The following KCNQ1OT1 variants were observed in gnomAD, a reference collection of about 807,000 sequenced individuals.
KCNQ1OT1 encodes the protein KCNQ1 antisense RNA 2 (non-protein coding).
rs1850333913 is a variant in KCNQ1OT1 at position 2,678,579 on chromosome 11, G to A, written n.21416C>T. On this transcript the variant is annotated non_coding_transcript_exon_variant, in exon 1 of 1. Transcript: ENST00000597346. This position sits in a 1 kb window ranked among gnomAD's most constrained non-coding sequence, Gnocchi z 4.9. ...TATTTTAATTATGTAACTTTATGATGCACTTATCTGTGTAGCAGGACTCCC... is the reference window on the plus strand; with the variant it reads ...TATTTTAATTATGTAACTTTATGATACACTTATCTGTGTAGCAGGACTCCC... 2 of 398,460 alleles carry A rather than the reference G, an allele frequency of 5.0e-6. No individual in the cohort carries two copies. The highest frequency in any genetic ancestry group is 4.4e-5 in the Admixed American group (1 of 22,712). 24.7% of individuals were successfully genotyped at this position (398,460 alleles called of 1,614,324 possible).
Position 2,698,217 on chromosome 11 carries a change from A to G in KCNQ1OT1, n.1778T>C, listed in dbSNP as rs1324368813. On this transcript the variant is annotated non_coding_transcript_exon_variant, in exon 1 of 1. Transcript: ENST00000597346. This position sits in a 1 kb window ranked among gnomAD's most constrained non-coding sequence, Gnocchi z 5.1. The stretch of plus-strand genomic sequence containing the variant: ...CAGTAAAGAAAGAACTGGTAAATGC[A>G]CATCAAATGTGGATATTATCAGGAA... The G allele has an allele frequency of 5.0e-6, 2 of 398,538 alleles. No individual in the cohort carries two copies. The highest frequency in any genetic ancestry group is 4.1e-5 in the African/African-American group (2 of 48,622). 24.7% of individuals were successfully genotyped at this position (398,538 alleles called of 1,614,324 possible).
exon 1 of KCNQ1OT1, chr11:2,646,193 A>G: frequency 2.5e-6 from 1 of 398,556 alleles, no homozygotes; most frequent in Non-Finnish European, 4.4e-6. Flanking sequence ...CCTACTTGCT[A>G]TATTTTGTGG....
At chr11:2,681,742 C>CA in exon 1 of KCNQ1OT1, 1 of 398,248 alleles carries the variant, frequency 2.5e-6, no homozygotes. Context: ...GCACTGATCA[C>CA]ACACCAGGGC....
chr11:2,698,819 T>C lies in KCNQ1OT1; in HGVS notation n.1176A>G. 2.5e-6 allele frequency: 1 copy of C among 398,774 alleles called. No homozygotes were observed. The highest frequency in any genetic ancestry group is 3.6e-5 in the East Asian group (1 of 28,060). 24.7% of individuals were successfully genotyped at this position (398,774 alleles called of 1,614,324 possible). On this transcript the variant is annotated non_coding_transcript_exon_variant, in exon 1 of 1. Transcript: ENST00000597346. The surrounding 1 kb of genome is among the most constrained non-coding windows in gnomAD (Gnocchi z 5.1). ...CAGACTCCCGATCCTCTGTCCCTAA[T>C]GAGGCCCTACCTAAAACCACCATGC...
exon 1 of KCNQ1OT1, chr11:2,667,489 C>T: frequency 2.6e-6 from 1 of 392,092 alleles, no homozygotes; most frequent in Non-Finnish European, 4.5e-6. Flanking sequence ...ACAGAGAGAA[C>T]ATTCACGCCA....
rs150388450 is a variant in KCNQ1OT1, at chr11:2,687,264, C to T, written n.12731G>A. The T allele has an allele frequency of 5.0e-6, 2 of 398,654 alleles. No homozygotes were observed. The highest frequency in any genetic ancestry group is 7.1e-5 in the East Asian group (2 of 28,068). The allele number at this position is 398,654 out of a possible 1,614,324, so 24.7% of individuals were successfully genotyped here. Reference sequence around the variant, plus strand: ...GCATCACTACCAGCTCCGGGCTTCTCTCCTCTGGCCTCCCACCTTGCAGCT... The same window carrying T: ...GCATCACTACCAGCTCCGGGCTTCTTTCCTCTGGCCTCCCACCTTGCAGCT... On this transcript the variant is annotated non_coding_transcript_exon_variant, in exon 1 of 1. Transcript: ENST00000597346. The surrounding 1 kb of genome is among the most constrained non-coding windows in gnomAD (Gnocchi z 5.0).
At position 2,661,383 on chromosome 11, in the gene KCNQ1OT1, A is replaced by G. The variant is rs970958199; in HGVS notation, n.38612T>C. On this transcript the variant is annotated non_coding_transcript_exon_variant, in exon 1 of 1. Coordinates refer to ENST00000597346, the Ensembl canonical transcript of KCNQ1OT1. The surrounding 1 kb of genome is among the most constrained non-coding windows in gnomAD (Gnocchi z 5.9). ...AGGTGGGCCCAGGAATCATAATGTG[A>G]AGCCAGCTGTTGGAGGGACTCCTGT... The G allele has an allele frequency of 2.5e-6, 1 of 407,684 alleles. No individual in the cohort carries two copies. The highest frequency in any genetic ancestry group is 2.1e-5 in the African/African-American group (1 of 48,750). 25.3% of individuals were successfully genotyped at this position (407,684 alleles called of 1,614,324 possible).
chr11:2,609,283 ATTAT>A (rs1487188183), exon 1 of KCNQ1OT1: 7 of 398,134 alleles, frequency 1.8e-5, no homozygotes, highest in Non-Finnish European at 2.2e-5. Flanking sequence ...TCACCCATTG[ATTAT>A]TTAAGAATGT....
rs1046450005 is a variant in KCNQ1OT1 at position 2,657,247 on chromosome 11, C to T, written n.42748G>A. 2.5e-5 allele frequency: 10 copies of T among 398,478 alleles called. No homozygotes were observed. The highest frequency in any genetic ancestry group is 2.2e-5 in the Non-Finnish European group (5 of 226,070). 24.7% of individuals were successfully genotyped at this position (398,478 alleles called of 1,614,324 possible). On this transcript the variant is annotated non_coding_transcript_exon_variant, in exon 1 of 1. Transcript: ENST00000597346. This position sits in a 1 kb window ranked among gnomAD's most constrained non-coding sequence, Gnocchi z 4.8. ...CAGTTAGAATCAGCTTGCCAAAGTTCTCACACAGAAGCCTTGAGATTTTTA... is the reference window on the plus strand; with the variant it reads ...CAGTTAGAATCAGCTTGCCAAAGTTTTCACACAGAAGCCTTGAGATTTTTA...
Position 2,682,708 on chromosome 11 carries a change from T to C in KCNQ1OT1, n.17287A>G, listed in dbSNP as rs913695470. 5.0e-6 allele frequency: 2 copies of C among 398,428 alleles called. No individual in the cohort carries two copies. The highest frequency in any genetic ancestry group is 4.1e-5 in the African/African-American group (2 of 48,604). 24.7% of individuals were successfully genotyped at this position (398,428 alleles called of 1,614,324 possible). A position where few individuals can be genotyped will look rare whatever the true frequency, so the allele number is the denominator to read the frequency against. ...CTGGGGTCCAAAGTTGACCAGAATA[T>C]CTCTAGTCATAAAGAATCTCTTCCC... On this transcript the variant is annotated non_coding_transcript_exon_variant, in exon 1 of 1. Transcript: ENST00000597346. This position sits in a 1 kb window ranked among gnomAD's most constrained non-coding sequence, Gnocchi z 5.8.
chr11:2,673,529 G>C lies in KCNQ1OT1; in HGVS notation n.26466C>G. 5.0e-6 allele frequency: 2 copies of C among 398,658 alleles called. No individual in the cohort carries two copies. The highest frequency in any genetic ancestry group is 8.8e-6 in the Non-Finnish European group (2 of 226,092). The allele number at this position is 398,658 out of a possible 1,614,324, so 24.7% of individuals were successfully genotyped here. A position where few individuals can be genotyped will look rare whatever the true frequency, so the allele number is the denominator to read the frequency against. ...TGTTGATGCTGACAGCCTGTAGAAAGATTGCTCTCAGCCTATCCCCTCCCT... is the reference window on the plus strand; with the variant it reads ...TGTTGATGCTGACAGCCTGTAGAAACATTGCTCTCAGCCTATCCCCTCCCT... On this transcript the variant is annotated non_coding_transcript_exon_variant, in exon 1 of 1. Coordinates refer to ENST00000597346, the Ensembl canonical transcript of KCNQ1OT1. The surrounding 1 kb of genome is among the most constrained non-coding windows in gnomAD (Gnocchi z 4.5).
At chr11:2,614,947 T>G (rs1849037298) in exon 1 of KCNQ1OT1, 1 of 398,364 alleles carries the variant, frequency 2.5e-6, no homozygotes, top group South Asian at 1.3e-4. Flanking sequence ...CTTGGGATTT[T>G]GATAAGGGTT....
chr11:2,654,154 G>A lies in KCNQ1OT1; in HGVS notation n.45841C>T, dbSNP rs946276934. 4.0e-5 allele frequency: 16 copies of A among 398,474 alleles called. No homozygotes were observed. Among genetic ancestry groups the A allele is most frequent in the South Asian group, 1.3e-4 (1 of 7,856 alleles). The allele number at this position is 398,474 out of a possible 1,614,324, so 24.7% of individuals were successfully genotyped here. A position where few individuals can be genotyped will look rare whatever the true frequency, so the allele number is the denominator to read the frequency against. ...CACTCTGGCTCAGGGTCTATGAGCC[G>A]GGCATGGGCAGCTGGCACAGGCTGT... On this transcript the variant is annotated non_coding_transcript_exon_variant, in exon 1 of 1. Coordinates refer to ENST00000597346, the Ensembl canonical transcript of KCNQ1OT1. The surrounding 1 kb of genome is among the most constrained non-coding windows in gnomAD (Gnocchi z 6.4).
chr11:2,661,952 T>C lies in KCNQ1OT1; in HGVS notation n.38043A>G. 6.2e-7 allele frequency: 1 copy of C among 1,614,134 alleles called. No homozygotes were observed. Among genetic ancestry groups the C allele is most frequent in the South Asian group, 1.1e-5 (1 of 91,080 alleles). ...GGCCTAACGTGCTGTCCCCACACTT[T>C]CTCCTCAGTAAGGAAGAGCCCAACA... is the stretch of plus-strand genomic sequence containing the variant. On this transcript the variant is annotated non_coding_transcript_exon_variant, in exon 1 of 1. Coordinates refer to ENST00000597346, the Ensembl canonical transcript of KCNQ1OT1. This position sits in a 1 kb window ranked among gnomAD's most constrained non-coding sequence, Gnocchi z 5.9.
exon 1 of KCNQ1OT1, chr11:2,696,181 C>G (rs900238421): frequency 2.5e-6 from 1 of 398,588 alleles, no homozygotes; most frequent in Non-Finnish European, 4.4e-6. Flanking sequence ...TTTAAGAACC[C>G]CACGGCCACC....
At chr11:2,628,957 C>T (rs944383508) in exon 1 of KCNQ1OT1, 7 of 398,180 alleles carry the variant, frequency 1.8e-5, no homozygotes, top group African/African-American at 1.4e-4. Flanking sequence ...GCTTTCTATT[C>T]TGTTCCATTG....
In KCNQ1OT1 at chr11:2,674,380, G is replaced by C. The variant is rs541782724; in HGVS notation, n.25615C>G. On this transcript the variant is annotated non_coding_transcript_exon_variant, in exon 1 of 1. Transcript: ENST00000597346. This position sits in a 1 kb window ranked among gnomAD's most constrained non-coding sequence, Gnocchi z 5.9. ...TGGCAAAGAGCAGCTTCCTGCTTAGGGAAGGTGCATGCGTGCGTGTGTGTG... is the reference window on the plus strand; with the variant it reads ...TGGCAAAGAGCAGCTTCCTGCTTAGCGAAGGTGCATGCGTGCGTGTGTGTG... The C allele has an allele frequency of 9.3e-5, 37 of 398,330 alleles. No individual in the cohort carries two copies. Among genetic ancestry groups the C allele is most frequent in the African/African-American group, 6.6e-4 (32 of 48,722 alleles). The allele number at this position is 398,330 out of a possible 1,614,324, so 24.7% of individuals were successfully genotyped here. A position where few individuals can be genotyped will look rare whatever the true frequency, so the allele number is the denominator to read the frequency against.
exon 1 of KCNQ1OT1, chr11:2,684,289 A>G: frequency 2.5e-6 from 1 of 398,544 alleles, no homozygotes; most frequent in Non-Finnish European, 4.4e-6. Context: ...AGGCTGGAGC[A>G]TTGCAACTCA....
rs540416603 is a variant in KCNQ1OT1 at position 2,666,418 on chromosome 11, C to T, written n.33577G>A. 141 of 398,652 alleles carry T rather than the reference C, an allele frequency of 3.5e-4. 1 individual carries two copies. The highest frequency in any genetic ancestry group is 2.5e-3 in the African/African-American group (120 of 48,750). 24.7% of individuals were successfully genotyped at this position (398,652 alleles called of 1,614,324 possible). On this transcript the variant is annotated non_coding_transcript_exon_variant, in exon 1 of 1. Coordinates refer to ENST00000597346, the Ensembl canonical transcript of KCNQ1OT1. ...CCTTGAGCAAAAACAGCCCCGTGTG[C>T]GTTAATTAGAATTTCCATGTCTTCA...
Sources: allele counts gnomAD v4.1 joint callset, GRCh38; gene constraint gnomAD v4.1.1; non-coding constraint Gnocchi (gnomAD v3.1); transcripts MANE v1.5; gene names NCBI Gene and HGNC (gene_info 2026-07-23, HGNC 2026-07-21).